Variants in PDE8A observed in about 807,000 individuals in gnomAD.
PDE8A encodes the protein phosphodiesterase 8A, also known as high affinity cAMP-specific and IBMX-insensitive 3',5'-cyclic phosphodiesterase 8A.
In PDE8A, 59 loss-of-function variants were observed where a neutral mutation model predicts 105.0. The ratio of observed to expected loss-of-function variants is 0.56; its 90% CI spans 0.46 to 0.70. The LOEUF is 0.70. PDE8A is among the 30% of genes least tolerant of loss of function. The pLI is 0.00. For missense variants in PDE8A, 1,014 were observed against 1,045.9 expected (o/e 0.97, Z 0.42); for synonymous variants, 355 against 371.9 (o/e 0.95, Z 0.52).
chr15:85,108,881 C>T (rs1259980209), intron 11 of PDE8A, among the ~76,000 whole-genome samples, 172 bp from the exon 12 acceptor site: 1 of 152,134 alleles, frequency 6.6e-6, no homozygotes, highest in Non-Finnish European at 1.5e-5. Context: ...TTTTGAGAAA[C>T]TCTACCCCCA....
intron 1 of PDE8A, among the ~76,000 whole-genome samples, chr15:85,048,750 G>A (rs981600061): frequency 6.6e-6 from 1 of 152,130 alleles, no homozygotes; most frequent in African/African-American, 2.4e-5. Flanking sequence ...TTCCTGTACC[G>A]TGAGAGTATG....
At chr15:85,126,137 C>A in intron 19 of PDE8A, 70 bp from the exon 20 acceptor site, 3 of 1,110,738 alleles carry the variant, frequency 2.7e-6, no homozygotes, top group Non-Finnish European at 2.6e-6. Context: ...TACAGTGGGA[C>A]AGACCAGTAA....
intron 12 of PDE8A, among the ~76,000 whole-genome samples, chr15:85,109,716 G>C (rs761628395): frequency 1.3e-5 from 2 of 152,150 alleles, no homozygotes; most frequent in Non-Finnish European, 2.9e-5. Flanking sequence ...ATACAGAGCT[G>C]GTTGTACTGG....
At chr15:85,092,328 G>GTT (rs376460724) in intron 8 of PDE8A, among the ~76,000 whole-genome samples, 5 of 150,876 alleles carry the variant, frequency 3.3e-5, no homozygotes, top group African/African-American at 4.9e-5. Context: ...TTTTGTTGTT[G>GTT]TTTTTTTTTG....
intron 1 of PDE8A, among the ~76,000 whole-genome samples, chr15:85,033,702 T>C (rs1279037504): frequency 6.6e-6 from 1 of 151,920 alleles, no homozygotes; most frequent in East Asian, 1.9e-4. Context: ...CCGTCTCTAC[T>C]AAAAATACAA....
At chr15:84,981,814 G>T (rs2079712605), upstream of PDE8A, among the ~76,000 whole-genome samples, 1 of 151,190 alleles carries the variant, frequency 6.6e-6, no homozygotes, top group Non-Finnish European at 1.5e-5. Flanking sequence ...CCGCTCCTGG[G>T]TAAGGAGAGC....
In PDE8A at chr15:85,091,114, A is replaced by C; in HGVS notation, c.785A>C (p.Glu262Ala). The change falls in exon 8 of 22, where the codon GAA (glutamate) becomes GCA (alanine). Residue 262 changes from glutamate to alanine, a missense_variant. Glu to Ala is a moderately radical substitution (Grantham distance 107, BLOSUM62 -1). Transcript: ENST00000394553. ...SGELIGKELG[E>A]VPINEKKADL... is the part of the protein sequence containing the mutation. ...GAATTAATAGGGAAGGAGTTAGGAG[A>C]AGTGCCTATAAATGAAAAAAAGGCT... 6.2e-7 allele frequency: 1 copy of C among 1,613,090 alleles called. No individual in the cohort carries two copies. The highest frequency in any genetic ancestry group is 1.1e-5 in the South Asian group (1 of 91,020).
chr15:85,030,641 A>G (rs970967284), intron 1 of PDE8A, among the ~76,000 whole-genome samples: 3 of 152,166 alleles, frequency 2.0e-5, no homozygotes, highest in Admixed American at 1.3e-4. Flanking sequence ...GGAATCCTCC[A>G]TTTCAACCAT....
intron 3 of PDE8A, among the ~76,000 whole-genome samples, chr15:85,073,804 G>A (rs112814158): frequency 1.3e-5 from 2 of 152,228 alleles, no homozygotes; most frequent in African/African-American, 4.8e-5. Flanking sequence ...AGCTGTGTCT[G>A]TGAGTGTCTG....
chr15:85,090,975 C>A, intron 7 of PDE8A, 69 bp from the exon 8 acceptor site: 1 of 1,419,314 alleles, frequency 7.0e-7, no homozygotes, highest in Non-Finnish European at 9.7e-7. Flanking sequence ...AGGTCGAAGA[C>A]CTTTGATTGT....
intron 3 of PDE8A, among the ~76,000 whole-genome samples, chr15:85,073,740 T>C (rs1349094250): frequency 1.3e-5 from 2 of 152,240 alleles, no homozygotes; most frequent in African/African-American, 4.8e-5. Flanking sequence ...CCTTATTCCC[T>C]GTTTGAGATC....
chr15:85,095,713 T>C (rs540283842), intron 8 of PDE8A, among the ~76,000 whole-genome samples: 28 of 152,104 alleles, frequency 1.8e-4, no homozygotes, highest in African/African-American at 5.8e-4. Context: ...GGAAAACTTA[T>C]TGACTCTGTT....
intron 5 of PDE8A, among the ~76,000 whole-genome samples, chr15:85,078,298 A>C (rs1448538355): frequency 6.6e-6 from 1 of 152,146 alleles, no homozygotes; most frequent in African/African-American, 2.4e-5. Flanking sequence ...AAAGAAAATA[A>C]CTTCCTTGGG....
At chr15:85,135,739 G>A (rs910394088) in intron 20 of PDE8A, among the ~76,000 whole-genome samples, 1 of 152,120 alleles carries the variant, frequency 6.6e-6, no homozygotes, top group Non-Finnish European at 1.5e-5. Context: ...CCTTATCAAA[G>A]AAAGAACAGG....
At chr15:85,065,656 A>G (rs879528756) in intron 2 of PDE8A, among the ~76,000 whole-genome samples, 1 of 152,204 alleles carries the variant, frequency 6.6e-6, no homozygotes, top group Non-Finnish European at 1.5e-5. Context: ...GTAAACTCGG[A>G]AGAAATAAGC....
intron 1 of PDE8A, among the ~76,000 whole-genome samples, chr15:85,057,400 C>G (rs1393015023): frequency 6.6e-6 from 1 of 152,196 alleles, no homozygotes; most frequent in Non-Finnish European, 1.5e-5. Context: ...TATGCCCTGC[C>G]CCCAGAGGTG....
At chr15:85,078,875 A>T (rs909770351) in intron 5 of PDE8A, among the ~76,000 whole-genome samples, 1 of 152,226 alleles carries the variant, frequency 6.6e-6, no homozygotes, top group Non-Finnish European at 1.5e-5. Flanking sequence ...AGAGACTACA[A>T]ACTAATCATA....
intron 1 of PDE8A, among the ~76,000 whole-genome samples, chr15:85,050,146 GT>G (rs1342992384): frequency 1.3e-5 from 2 of 152,030 alleles, no homozygotes; most frequent in East Asian, 1.9e-4. Context: ...GTATGTTCAA[GT>G]CCTTTGCCCA....
At chr15:85,072,752 C>T (rs1456328815) in intron 3 of PDE8A, among the ~76,000 whole-genome samples, 1 of 152,150 alleles carries the variant, frequency 6.6e-6, no homozygotes, top group Non-Finnish European at 1.5e-5. Flanking sequence ...CCACTCTTCT[C>T]TGGTGTTTTC....
Sources: gnomAD v4.1 joint callset for allele counts (sites outside exome capture counted in the v4.1 genomes callset) on GRCh38, gnomAD v4.1.1 for gene constraint, MANE v1.5 for transcripts, NCBI Gene and HGNC (gene_info 2026-07-23, HGNC 2026-07-21) for gene names.